Variants in BUB1B observed in about 807,000 individuals in gnomAD.
BUB1B encodes the protein BUB1 mitotic checkpoint serine/threonine kinase B, also known as mitotic checkpoint serine/threonine-protein kinase BUB1 beta.
BUB1B carries 86 observed loss-of-function variants against 137.7 expected under a neutral mutation model. That is an observed-to-expected ratio of 0.62 (90% CI 0.52 to 0.75). The LOEUF is 0.75. Ranked by LOEUF, BUB1B falls within the 30% of genes least tolerant of loss-of-function variation. The pLI is 0.00. For missense variants in BUB1B, 1,130 were observed against 1,236.9 expected (o/e 0.91, Z 1.30); for synonymous variants, 420 against 417.9 (o/e 1.00, Z -0.06).
rs1325835224 is a variant in BUB1B, at chr15:40,170,395, G to A, written c.240-142G>A. The A allele has an allele frequency of 3.9e-6, 4 of 1,021,964 alleles. No individual in the cohort carries two copies. In the African/African-American group the frequency reaches 4.8e-5, roughly 12 times the overall value. The allele number at this position is 1,021,964 out of a possible 1,614,324, so 63.3% of individuals were successfully genotyped here. On this transcript the variant is annotated intron_variant, in intron 3 of 22. Transcript: ENST00000287598. ...CTAGAGATACTTTGGAGAAGTTTGA[G>A]GGATACAGGCTTAGGGTATGTCATT...
Position 40,196,550 on chromosome 15 carries a change from C to G in BUB1B, c.1064C>G (p.Pro355Arg). The G allele has an allele frequency of 6.2e-7, 1 of 1,612,900 alleles. No individual in the cohort carries two copies. The highest frequency in any genetic ancestry group is 8.5e-7 in the Non-Finnish European group (1 of 1,179,332). The part of the protein sequence containing the change: ...EETARQPVMT[P>R]CKIEPSINHI... ...TAGTAATTTTGCTTCTTTAGGACAC[C>G]ATGTAAAATTGAACCTAGTATAAAC... The change falls in exon 9 of 23, where the codon CCA becomes CGA. Residue 355 changes from proline to arginine, a missense_variant. Pro to Arg is a moderately radical substitution (Grantham distance 103, BLOSUM62 -2). Transcript: ENST00000287598.
intron 5 of BUB1B, among the ~76,000 whole-genome samples, chr15:40,180,993 G>C (rs1197103365): frequency 6.6e-6 from 1 of 151,780 alleles, no homozygotes; most frequent in African/African-American, 2.4e-5. Context: ...AGTAGTTCCT[G>C]ACCTATACAT....
At chr15:40,171,223 C>G (rs2037158686) in intron 4 of BUB1B, among the ~76,000 whole-genome samples, 2 of 152,200 alleles carry the variant, frequency 1.3e-5, no homozygotes, top group Admixed American at 1.3e-4. Flanking sequence ...AGGCGTGAGC[C>G]AACACCCCTA....
intron 4 of BUB1B, among the ~76,000 whole-genome samples, chr15:40,171,932 A>T (rs987484402): frequency 6.6e-6 from 1 of 152,108 alleles, no homozygotes; most frequent in African/African-American, 2.4e-5. Flanking sequence ...AAATAAATTT[A>T]AAAAAATAAA....
chr15:40,213,429 T>C lies in BUB1B; in HGVS notation c.2633T>C (p.Ile878Thr). 6.2e-7 allele frequency: 1 copy of C among 1,614,212 alleles called. No individual in the cohort carries two copies. ...TIVEMLHKAE[I>T]VHGDLSPRCL... ...GTGGAGATGCTACACAAAGCAGAAATAGTCCATGGTGACTTGAGTCCAAGG... is the reference window on the plus strand; with the variant it reads ...GTGGAGATGCTACACAAAGCAGAAACAGTCCATGGTGACTTGAGTCCAAGG... The change falls in exon 20 of 23, where the codon ATA becomes ACA. Residue 878 changes from isoleucine (I) to threonine (T), a missense_variant. Physicochemically the swap from Ile to Thr is moderately conservative, Grantham distance 89. Transcript: ENST00000287598.
intron 4 of BUB1B, among the ~76,000 whole-genome samples, chr15:40,171,758 A>G (rs959665084): frequency 6.6e-6 from 1 of 152,146 alleles, no homozygotes; most frequent in African/African-American, 2.4e-5. Context: ...TTCACCTAGT[A>G]TATTGCTACA....
intron 2 of BUB1B, among the ~76,000 whole-genome samples, 189 bp downstream of exon 2, chr15:40,165,385 A>G (rs951862997): frequency 6.6e-6 from 1 of 152,238 alleles, no homozygotes; most frequent in Non-Finnish European, 1.5e-5. Flanking sequence ...AATTAAGAAC[A>G]AGGGCTATAG....
In BUB1B at chr15:40,170,104, T is replaced by C; in HGVS notation, c.222T>C (p.Pro74=). 6.8e-6 allele frequency: 11 copies of C among 1,613,852 alleles called. No individual in the cohort carries two copies. Among genetic ancestry groups the C allele is most frequent in the Non-Finnish European group, 8.5e-6 (10 of 1,179,726 alleles). The change falls in exon 3 of 23, where the codon CCT becomes CCC. Residue 74 remains proline, a synonymous_variant. Transcript: ENST00000287598. ...TTCGATTTTACACTGGAAATGACCC[T>C]CTGGATGTTTGGGATAGGTGGGTCT... ...YEIRFYTGND[P]LDVWDRYISW...
intron 8 of BUB1B, 35 bp from the exon 9 acceptor site, chr15:40,196,510 G>A (rs767494438): frequency 1.3e-6 from 2 of 1,513,510 alleles, no homozygotes; most frequent in Non-Finnish European, 1.8e-6. Context: ...TTTTTATTTT[G>A]ACCCATATGA....
chr15:40,185,067 A>G (rs1302797635), intron 6 of BUB1B, 98 bp from the exon 7 acceptor site: 2 of 995,502 alleles, frequency 2.0e-6, no homozygotes, highest in Admixed American at 1.8e-5. Flanking sequence ...TGTAGTGGAA[A>G]TACTGTCCTT....
chr15:40,185,947 A>G (rs2037356179), intron 8 of BUB1B, among the ~76,000 whole-genome samples: 1 of 152,200 alleles, frequency 6.6e-6, no homozygotes, highest in African/African-American at 2.4e-5. Flanking sequence ...TTAAAAGACC[A>G]TTTGTTAATA....
Position 40,161,184 on chromosome 15 carries a change from C to T in BUB1B, c.-37C>T, listed in dbSNP as rs768367519. 1.2e-6 allele frequency: 2 copies of T among 1,610,800 alleles called. No individual in the cohort carries two copies. The highest frequency in any genetic ancestry group is 1.3e-5 in the African/African-American group (1 of 74,828). On this transcript the variant is annotated 5_prime_UTR_variant, in exon 1 of 23. Transcript: ENST00000287598. Reference sequence around the variant, plus strand: ...GGCGGTCTGTGGCCCAGAGGAAAGGCCTGCAGCAGGACGAGGACCTGAGCC... The same window carrying T: ...GGCGGTCTGTGGCCCAGAGGAAAGGTCTGCAGCAGGACGAGGACCTGAGCC...
intron 5 of BUB1B, among the ~76,000 whole-genome samples, chr15:40,177,834 A>G (rs909957293): frequency 3.3e-5 from 5 of 151,514 alleles, no homozygotes; most frequent in African/African-American, 1.2e-4. Context: ...TTTGTCTTTC[A>G]AGGAATTGAT....
chr15:40,213,266 G>A, intron 19 of BUB1B, 66 bp from the exon 20 acceptor site: 2 of 1,558,132 alleles, frequency 1.3e-6, no homozygotes, highest in Non-Finnish European at 1.8e-6. Context: ...AGTTTTCAAG[G>A]TATTGAGTAT....
In BUB1B at chr15:40,196,656, G is replaced by C. The variant is rs1017842; in HGVS notation, c.1170G>C (p.Glu390Asp). 10,384 of 1,612,070 alleles carry C rather than the reference G, an allele frequency of 6.4e-3. 558 individuals are homozygous for C. The African/African-American group carries it at 0.12, about 19-fold the overall frequency. ...QRVQSHQQAS[E>D]EKKEKMMYCK... is the part of the protein sequence containing the mutation. ...TTCAGAGCCATCAGCAAGCGTCTGA[G>C]GAGAAGAAAGAGAAGATGATGTATT... is the stretch of plus-strand genomic sequence containing the variant. Residue 390 changes from glutamate to aspartate, a missense_variant, in exon 9 of 23, where the codon GAG (glutamate) becomes GAC (aspartate). Physicochemically the swap from Glu to Asp is conservative, Grantham distance 45. Coordinates refer to ENST00000287598, the MANE Select transcript of BUB1B (RefSeq NM_001211.6).
At chr15:40,191,548 T>C (rs913624571) in intron 8 of BUB1B, among the ~76,000 whole-genome samples, 2 of 152,274 alleles carry the variant, frequency 1.3e-5, no homozygotes, top group African/African-American at 4.8e-5. Context: ...CTCTGACTAA[T>C]CCAAAGTCAT....
In BUB1B at chr15:40,199,630, G is replaced by A; in HGVS notation, c.1304G>A (p.Ser435Asn). 3.7e-6 allele frequency: 6 copies of A among 1,613,944 alleles called. No individual in the cohort carries two copies. The highest frequency in any genetic ancestry group is 5.1e-6 in the Non-Finnish European group (6 of 1,179,844). ...CTGTTTCTAGCCGAGCTATTGACCA[G>A]TGCAGAGAAGAGAGCAGAAATGCAG... ...KEQREAELLT[S>N]AEKRAEMQKQ... Residue 435 changes from serine (S) to asparagine (N), a missense_variant, in exon 10 of 23, where the codon AGT (serine) becomes AAT (asparagine). Coordinates refer to ENST00000287598, the MANE Select transcript of BUB1B (RefSeq NM_001211.6).
chr15:40,170,265 A>T (rs977102345), intron 3 of BUB1B, 144 bp downstream of exon 3: 27 of 845,646 alleles, frequency 3.2e-5, no homozygotes, highest in Non-Finnish European at 4.6e-5. Context: ...TAATCATAAT[A>T]TATCTTCCTG....
At chr15:40,187,245 C>T (rs2037378347) in intron 8 of BUB1B, among the ~76,000 whole-genome samples, 1 of 152,048 alleles carries the variant, frequency 6.6e-6, no homozygotes, top group African/African-American at 2.4e-5. Context: ...CCTGCCTCAG[C>T]CTCCTGAGTA....
Sources: gnomAD v4.1 joint callset for allele counts (sites outside exome capture counted in the v4.1 genomes callset) on GRCh38, gnomAD v4.1.1 for gene constraint, MANE v1.5 for transcripts, NCBI Gene and HGNC (gene_info 2026-07-23, HGNC 2026-07-21) for gene names.